Variants in CNTNAP2 observed in about 807,000 individuals in gnomAD.
CNTNAP2 encodes contactin-associated protein-like 2.
Under a neutral mutation model 155.2 loss-of-function variants are expected in CNTNAP2, and 98 were observed. The ratio of observed to expected loss-of-function variants is 0.63; its 90% CI spans 0.54 to 0.75. CNTNAP2 has a LOEUF of 0.75. Ranked by LOEUF, CNTNAP2 falls within the 30% of genes least tolerant of loss-of-function variation. CNTNAP2 has a pLI of 0.00. For synonymous variants in CNTNAP2, 651 were observed against 631.2 expected, an observed-to-expected ratio of 1.03 and a Z score of -0.47; for missense variants, 1,727 against 1,688.1, an observed-to-expected ratio of 1.02 and a Z score of -0.40.
intron 1 of CNTNAP2, among the ~76,000 whole-genome samples, chr7:146,220,144 T>C (rs1007474064): frequency 5.3e-5 from 8 of 152,210 alleles, no homozygotes; most frequent in African/African-American, 1.9e-4. Context: ...ACCGTTGATA[T>C]ATTTTATAAT....
chr7:148,320,042 G>A (rs1362905262), intron 21 of CNTNAP2, among the ~76,000 whole-genome samples: 1 of 152,056 alleles, frequency 6.6e-6, no homozygotes, highest in Non-Finnish European at 1.5e-5. Context: ...GTATTTTAAT[G>A]AGCGCATTTC....
intron 21 of CNTNAP2, among the ~76,000 whole-genome samples, chr7:148,289,578 C>T (rs1197149239): frequency 1.6e-5 from 1 of 61,006 alleles, no homozygotes; most frequent in Non-Finnish European, 3.0e-5. Flanking sequence ...CACACACTCA[C>T]ACTCACACAC....
intron 8 of CNTNAP2, among the ~76,000 whole-genome samples, chr7:147,252,269 TAGTC>T (rs1804215849): frequency 2.6e-5 from 4 of 152,176 alleles, no homozygotes; most frequent in Non-Finnish European, 4.4e-5. Flanking sequence ...TCAAAACTGA[TAGTC>T]AGCTGAGTGG....
chr7:146,522,729 G>C (rs939380252), intron 1 of CNTNAP2, among the ~76,000 whole-genome samples: 1 of 150,492 alleles, frequency 6.6e-6, no homozygotes, highest in South Asian at 2.1e-4. Context: ...AGCAAATAAT[G>C]TTATGCAAAA....
chr7:147,351,734 A>G (rs1200867138), intron 9 of CNTNAP2, among the ~76,000 whole-genome samples: 1 of 151,818 alleles, frequency 6.6e-6, no homozygotes, highest in Non-Finnish European at 1.5e-5. Context: ...ACTCCAAGCA[A>G]GCGTCTCAGA....
intron 2 of CNTNAP2, among the ~76,000 whole-genome samples, chr7:146,781,183 G>A (rs1209106742): frequency 6.7e-6 from 1 of 148,676 alleles, no homozygotes; most frequent in Admixed American, 6.7e-5. Flanking sequence ...AGCCCAGATC[G>A]CGCCACTACA....
chr7:146,231,331 G>T (rs952078196), intron 1 of CNTNAP2, among the ~76,000 whole-genome samples: 1 of 152,150 alleles, frequency 6.6e-6, no homozygotes, highest in Non-Finnish European at 1.5e-5. Context: ...GTAAGACGCA[G>T]GAGTGAACCT....
intron 23 of CNTNAP2, among the ~76,000 whole-genome samples, chr7:148,412,952 G>A (rs1209861826): frequency 6.6e-6 from 1 of 151,998 alleles, no homozygotes; most frequent in Non-Finnish European, 1.5e-5. Context: ...TGATCATATT[G>A]TTTTACTCCT....
chr7:147,010,922 G>T, intron 3 of CNTNAP2, among the ~76,000 whole-genome samples: 1 of 151,996 alleles, frequency 6.6e-6, no homozygotes. Flanking sequence ...GGAAGAAATG[G>T]TACCTTCCAC....
rs185713017 is a variant in CNTNAP2 at position 147,734,352 on chromosome 7, C to A, written c.2098+95046C>A. 3.8e-3 allele frequency among the ~76,000 whole-genome samples: 582 copies of A among 152,272 alleles called. 5 individuals carry two copies. Among genetic ancestry groups the A allele is most frequent in the African/African-American group, 0.013 (551 of 41,544 alleles). On this transcript the variant is annotated intron_variant, in intron 13 of 23. Coordinates refer to ENST00000361727, the MANE Select transcript of CNTNAP2 (RefSeq NM_014141.6). ...TGCATATGTTGAACCAGCCTTGCATCCCAGGGATGAAGCCCACTTGATCAT... is the reference window on the plus strand; with the variant it reads ...TGCATATGTTGAACCAGCCTTGCATACCAGGGATGAAGCCCACTTGATCAT...
intron 12 of CNTNAP2, among the ~76,000 whole-genome samples, chr7:147,563,063 T>C (rs1189887214): frequency 6.6e-6 from 1 of 152,196 alleles, no homozygotes; most frequent in Non-Finnish European, 1.5e-5. Flanking sequence ...TCAAGTATCA[T>C]GACAAATCCT....
intron 13 of CNTNAP2, among the ~76,000 whole-genome samples, chr7:147,782,109 A>T (rs1048142545): frequency 6.6e-6 from 1 of 152,120 alleles, no homozygotes; most frequent in African/African-American, 2.4e-5. Context: ...ATTTTGTTCC[A>T]GTGCGTGTCT....
At chr7:147,750,962 C>T (rs1184143868) in intron 13 of CNTNAP2, among the ~76,000 whole-genome samples, 3 of 152,104 alleles carry the variant, frequency 2.0e-5, no homozygotes, top group Non-Finnish European at 4.4e-5. Flanking sequence ...ATGGCGTGAA[C>T]CCGAGAGGCG....
intron 1 of CNTNAP2, among the ~76,000 whole-genome samples, chr7:146,349,428 A>G (rs1263418011): frequency 6.6e-6 from 1 of 152,204 alleles, no homozygotes; most frequent in Non-Finnish European, 1.5e-5. Context: ...AACAAAAACG[A>G]AGAGCTAATT....
intron 15 of CNTNAP2, among the ~76,000 whole-genome samples, chr7:147,988,219 A>G (rs1387447788): frequency 6.6e-6 from 1 of 152,180 alleles, no homozygotes; most frequent in African/African-American, 2.4e-5. Flanking sequence ...AAGATTGTGG[A>G]TACCAAAGTT....
Position 146,934,274 on chromosome 7 carries a change from A to C in CNTNAP2, c.402+94370A>C, listed in dbSNP as rs549190176. Among the ~76,000 whole-genome samples the C allele has an allele frequency of 2.1e-4, 32 of 152,232 alleles. No homozygotes were observed. The South Asian group carries it at 4.8e-3, about 23-fold the overall frequency. On this transcript the variant is annotated intron_variant, in intron 3 of 23. Transcript: ENST00000361727. ...TACTATGCAGCCATAAGAAATGATG[A>C]GTTCATGTCCTTTGTAGGGACATGG... is the stretch of plus-strand genomic sequence containing the variant.
intron 1 of CNTNAP2, among the ~76,000 whole-genome samples, chr7:146,644,100 T>C (rs1799765362): frequency 2.0e-5 from 3 of 152,222 alleles, no homozygotes. Context: ...AATCATGTCG[T>C]CTGCAAACAG....
At chr7:147,575,245 G>A (rs1294393452) in intron 12 of CNTNAP2, among the ~76,000 whole-genome samples, 1 of 94,364 alleles carries the variant, frequency 1.1e-5, no homozygotes, top group Non-Finnish European at 2.1e-5. Context: ...GTGTTTGTGT[G>A]TGTGTGTGTG....
chr7:146,443,513 T>C (rs1796357930), intron 1 of CNTNAP2, among the ~76,000 whole-genome samples: 2 of 152,184 alleles, frequency 1.3e-5, no homozygotes, highest in Non-Finnish European at 2.9e-5. Flanking sequence ...GACAAAGCCG[T>C]AATAACTCTT....
Sources: allele counts gnomAD v4.1 joint callset (sites outside exome capture counted in the v4.1 genomes callset), GRCh38; gene constraint gnomAD v4.1.1; transcripts MANE v1.5; gene names NCBI Gene and HGNC (gene_info 2026-07-23, HGNC 2026-07-21).